The following RFX3 variants were observed in gnomAD, a reference collection of about 807,000 sequenced individuals.
RFX3 encodes regulatory factor X3, also known as transcription factor RFX3.
A neutral mutation model predicts 98.6 loss-of-function variants in RFX3; 14 were observed. That is an observed-to-expected ratio of 0.14 (90% CI 0.09 to 0.22). RFX3 has a LOEUF of 0.22. RFX3 is among the 10% of genes least tolerant of loss of function. The pLI, the probability that RFX3 is intolerant of heterozygous loss-of-function variation, is 1.00. For synonymous variants in RFX3, 383 were observed against 328.4 expected (o/e 1.17, Z -1.80); for missense variants, 639 against 926.9 (o/e 0.69, Z 4.03).
At position 3,225,005 on chromosome 9, in the gene RFX3, G is replaced by T. The variant is rs1277097344; in HGVS notation, c.*37C>A. ...TTCAACTTAAGCCCAATATCAACAG[G>T]GTTAATGTAAGCTGGAAAAATACGC... On this transcript the variant is annotated 3_prime_UTR_variant, in exon 17 of 17. Transcript: ENST00000617270. 2 of 1,593,086 alleles carry T rather than the reference G, an allele frequency of 1.3e-6. No individual in the cohort carries two copies. Among genetic ancestry groups the T allele is most frequent in the Non-Finnish European group, 1.7e-6 (2 of 1,162,518 alleles).
intron 1 of RFX3, among the ~76,000 whole-genome samples, chr9:3,496,162 T>A (rs1851093689): frequency 6.6e-6 from 1 of 151,994 alleles, no homozygotes. Flanking sequence ...CGGAAGAAAA[T>A]TTTAAAGACA....
Position 3,270,903 on chromosome 9 carries a change from T to C in RFX3, c.1202+100A>G, listed in dbSNP as rs991965017. 5.9e-6 allele frequency: 9 copies of C among 1,524,638 alleles called. No individual in the cohort carries two copies. In the Admixed American group the frequency reaches 1.4e-4, roughly 25 times the overall value. The allele number at this position is 1,524,638 out of a possible 1,614,324, so 94.4% of individuals were successfully genotyped here. A position where few individuals can be genotyped will look rare whatever the true frequency, so the allele number is the denominator to read the frequency against. On this transcript the variant is annotated intron_variant, in intron 10 of 16. Coordinates refer to ENST00000617270, the MANE Select transcript of RFX3 (RefSeq NM_001282116.2). The stretch of plus-strand genomic sequence containing the variant: ...AAAACATCAATCTATTCAATTAATG[T>C]CATCAGGTAAGGTTCACAACTGGTA...
chr9:3,291,200 A>G (rs1827281502), intron 6 of RFX3, among the ~76,000 whole-genome samples: 1 of 152,010 alleles, frequency 6.6e-6, no homozygotes, highest in Non-Finnish European at 1.5e-5. Context: ...CCCCATCTCT[A>G]CTAAAAACAC....
chr9:3,465,294 T>C (rs981543408), intron 1 of RFX3, among the ~76,000 whole-genome samples: 6 of 151,974 alleles, frequency 3.9e-5, no homozygotes, highest in Admixed American at 2.0e-4. Flanking sequence ...CCTGTTTTGC[T>C]TTTTTTCTTT....
chr9:3,465,130 G>A (rs1458579125), intron 1 of RFX3, among the ~76,000 whole-genome samples: 1 of 151,928 alleles, frequency 6.6e-6, no homozygotes, highest in Non-Finnish European at 1.5e-5. Flanking sequence ...TTTCCAGAGG[G>A]GAACCTTCCC....
chr9:3,300,628 C>T (rs1437161056), intron 5 of RFX3, among the ~76,000 whole-genome samples: 1 of 151,774 alleles, frequency 6.6e-6, no homozygotes, highest in Non-Finnish European at 1.5e-5. Flanking sequence ...AGTCATAATA[C>T]TTTATCCCTA....
At chr9:3,482,066 C>A (rs1017718357) in intron 1 of RFX3, among the ~76,000 whole-genome samples, 5 of 151,916 alleles carry the variant, frequency 3.3e-5, no homozygotes, top group African/African-American at 1.2e-4. Context: ...AATAATTGGA[C>A]AGCTACACAA....
chr9:3,492,104 T>C (rs1320493736), intron 1 of RFX3, among the ~76,000 whole-genome samples: 3 of 152,190 alleles, frequency 2.0e-5, no homozygotes, highest in Admixed American at 6.5e-5. Context: ...TACTAGATGC[T>C]TGGCAATGTG....
intron 1 of RFX3, chr9:3,488,743 G>A: frequency 1.0e-6 from 1 of 980,492 alleles, no homozygotes; most frequent in Non-Finnish European, 1.2e-6. Flanking sequence ...AAATGCATAG[G>A]GGAATTTTTG....
intron 1 of RFX3, among the ~76,000 whole-genome samples, chr9:3,510,324 C>T (rs1817547093): frequency 6.6e-6 from 1 of 151,424 alleles, no homozygotes; most frequent in South Asian, 2.1e-4. Context: ...CATTTCTTGC[C>T]CCCCCCAAAA....
At chr9:3,322,900 A>G (rs1212937772) in intron 4 of RFX3, among the ~76,000 whole-genome samples, 1 of 152,188 alleles carries the variant, frequency 6.6e-6, no homozygotes, top group Non-Finnish European at 1.5e-5. Flanking sequence ...GCCTAACTGC[A>G]TCTTTCCTGT....
chr9:3,469,178 A>G (rs1848567442), intron 1 of RFX3: 1 of 455,786 alleles, frequency 2.2e-6, no homozygotes, highest in South Asian at 1.6e-5. Flanking sequence ...AAAGAAATAC[A>G]TGTCCAAAGT....
intron 2 of RFX3, among the ~76,000 whole-genome samples, chr9:3,358,992 A>T (rs1265355052): frequency 1.3e-5 from 2 of 151,782 alleles, no homozygotes; most frequent in African/African-American, 4.8e-5. Flanking sequence ...ACACATGGGG[A>T]TTATTACAAT....
At chr9:3,499,172 T>A (rs1815699545) in intron 1 of RFX3, among the ~76,000 whole-genome samples, 1 of 152,082 alleles carries the variant, frequency 6.6e-6, no homozygotes, top group African/African-American at 2.4e-5. Context: ...CAAGTTTTTA[T>A]TTTCATACAG....
chr9:3,441,389 G>GTGTCA (rs1845598659), intron 1 of RFX3, among the ~76,000 whole-genome samples: 1 of 152,050 alleles, frequency 6.6e-6, no homozygotes, highest in East Asian at 1.9e-4. Context: ...AGCAAACCTA[G>GTGTCA]ACACAGTGAC....
intron 2 of RFX3, among the ~76,000 whole-genome samples, chr9:3,357,513 C>T (rs1835915207): frequency 6.6e-6 from 1 of 151,902 alleles, no homozygotes; most frequent in African/African-American, 2.4e-5. Flanking sequence ...AAATTTGTGG[C>T]ACGCAGGAAA....
intron 2 of RFX3, among the ~76,000 whole-genome samples, chr9:3,388,509 A>G (rs564834908): frequency 6.9e-4 from 105 of 152,266 alleles, no homozygotes; most frequent in Non-Finnish European, 1.3e-3. Context: ...AAAGAAACCA[A>G]TATAGCCAAC....
chr9:3,424,372 T>TGGTTTTTG (rs1285931862), intron 1 of RFX3, among the ~76,000 whole-genome samples: 1 of 123,030 alleles, frequency 8.1e-6, no homozygotes, highest in Non-Finnish European at 1.7e-5. Context: ...TTTTTTTTTT[T>TGGTTTTTG]TTTTTTTGAG....
chr9:3,415,489 T>C (rs1014663688), intron 1 of RFX3, among the ~76,000 whole-genome samples: 4 of 152,068 alleles, frequency 2.6e-5, no homozygotes, highest in Admixed American at 6.6e-5. Context: ...ACATCCACTA[T>C]AAATTCAATA....
Sources: gnomAD v4.1 joint callset for allele counts (sites outside exome capture counted in the v4.1 genomes callset) on GRCh38, gnomAD v4.1.1 for gene constraint, MANE v1.5 for transcripts, NCBI Gene and HGNC (gene_info 2026-07-23, HGNC 2026-07-21) for gene names.